PTPRB: variants seen among roughly 807,000 people sequenced by gnomAD.
PTPRB encodes the protein receptor-type tyrosine-protein phosphatase beta.
In PTPRB, 97 loss-of-function variants were observed where a neutral mutation model predicts 238.1. The observed-to-expected ratio is 0.41, with a 90% CI of 0.35 to 0.48. The LOEUF (loss-of-function observed/expected upper bound fraction) is 0.48. PTPRB is among the 20% of genes least tolerant of loss of function. The probability of loss-of-function intolerance (pLI) is 0.30; values close to 1 mark genes in which losing one functional copy is unlikely to be tolerated. For synonymous variants in PTPRB, 970 were observed against 995.4 expected, an observed-to-expected ratio of 0.97 and a Z score of 0.48; for missense variants, 2,292 against 2,681.9, an observed-to-expected ratio of 0.85 and a Z score of 3.21.
chr12:70,608,593 A>T (rs997961206), intron 4 of PTPRB: 11 of 156,184 alleles, frequency 7.0e-5, no homozygotes, highest in African/African-American at 2.7e-4. Flanking sequence ...GACTTTTCTA[A>T]TTTTCCCTGA....
chr12:70,524,273 A>ATT (rs35772909), intron 33 of PTPRB, among the ~76,000 whole-genome samples, 198 bp downstream of exon 33: 1 of 142,112 alleles, frequency 7.0e-6, no homozygotes, highest in African/African-American at 2.6e-5. Context: ...ATGTCTGGCT[A>ATT]TTTTTTTTTT....
At chr12:70,635,606 A>G in intron 2 of PTPRB, 65 bp downstream of exon 2, 1 of 1,520,516 alleles carries the variant, frequency 6.6e-7, no homozygotes. Flanking sequence ...ACAAACAAAC[A>G]AACAAAACCC....
intron 3 of PTPRB, among the ~76,000 whole-genome samples, chr12:70,610,205 CCGATG>C (rs1884352718): frequency 1.3e-5 from 2 of 152,192 alleles, no homozygotes; most frequent in Non-Finnish European, 2.9e-5. Context: ...GCCAAGGGGC[CCGATG>C]TGGGCCAAGC....
At position 70,563,090 on chromosome 12, in the gene PTPRB, C is replaced by G. The variant is rs373337415; in HGVS notation, c.3922G>C (p.Asp1308His). The change falls in exon 16 of 34, where the codon GAC becomes CAC. Residue 1308 changes from aspartate to histidine, a missense_variant. This residue lies in a region of PTPRB where 683 missense variants were observed against 862.0 expected (regional missense o/e 0.79). Transcript: ENST00000334414. ...GTGGAGTTCTCTGTGATCCTCAGGT[C>G]GGTGACAGCTGCTGGGACTGGAAAA... ...EGRTVPAAVTDLRITENSTRH... is the reference protein window; with the variant it reads ...EGRTVPAAVTHLRITENSTRH... The G allele has an allele frequency of 6.2e-7, 1 of 1,612,680 alleles. No individual in the cohort carries two copies. Among genetic ancestry groups the G allele is most frequent in the Non-Finnish European group, 8.5e-7 (1 of 1,179,300 alleles).
At chr12:70,628,506 T>C (rs1168109464) in intron 2 of PTPRB, among the ~76,000 whole-genome samples, 1 of 152,116 alleles carries the variant, frequency 6.6e-6, no homozygotes, top group Non-Finnish European at 1.5e-5. Flanking sequence ...TTGAAACCAG[T>C]TTTGAGTTTA....
At chr12:70,609,968 G>T in intron 3 of PTPRB, 1 of 495,976 alleles carries the variant, frequency 2.0e-6, no homozygotes, top group Non-Finnish European at 3.1e-6. Flanking sequence ...GGGCCACTGC[G>T]GCCACCGCTG....
At chr12:70,545,107 T>G (rs1229256303) in intron 21 of PTPRB, among the ~76,000 whole-genome samples, 1 of 152,248 alleles carries the variant, frequency 6.6e-6, no homozygotes, top group African/African-American at 2.4e-5. Context: ...GTGTTGGATA[T>G]ATCAAAGGAA....
chr12:70,535,717 C>G (rs1179007971), intron 29 of PTPRB, among the ~76,000 whole-genome samples: 1 of 152,146 alleles, frequency 6.6e-6, no homozygotes, highest in Non-Finnish European at 1.5e-5. Flanking sequence ...CTGGCAGGGT[C>G]TCTCCTCCAG....
intron 3 of PTPRB, among the ~76,000 whole-genome samples, chr12:70,618,862 G>A (rs965976375): frequency 6.6e-6 from 1 of 152,164 alleles, no homozygotes; most frequent in Non-Finnish European, 1.5e-5. Context: ...TTCATTTACT[G>A]CTCAGGGTTG....
In PTPRB at chr12:70,569,909, A is replaced by G. The variant is rs185037734; in HGVS notation, c.3400T>C (p.Ser1134Pro). The change falls in exon 14 of 34, where the codon TCT (serine) becomes CCT (proline). Residue 1134 changes from serine (S) to proline (P), a missense_variant. Physicochemically the swap from Ser to Pro is moderately conservative, Grantham distance 74. Around this residue, in one of 4 missense-constraint regions of PTPRB, gnomAD observed 683 missense variants for 862.0 expected, o/e 0.79. Transcript: ENST00000334414. ...VPSAVKNIHI[S>P]PNGATDSLTV... Reference sequence around the variant, plus strand: ...AGGCTATCTGTTGCTCCATTGGGAGAAATGTGAATATTTTTGACAGCACTA... The same window carrying G: ...AGGCTATCTGTTGCTCCATTGGGAGGAATGTGAATATTTTTGACAGCACTA... The G allele has an allele frequency of 1.2e-5, 20 of 1,611,538 alleles. No homozygotes were observed. Among genetic ancestry groups the G allele is most frequent in the Admixed American group, 1.7e-5 (1 of 60,002 alleles).
At chr12:70,555,757 G>T in intron 19 of PTPRB, 113 bp downstream of exon 19, 1 of 1,338,148 alleles carries the variant, frequency 7.5e-7, no homozygotes, top group Non-Finnish European at 1.0e-6. Flanking sequence ...ACAGGCTTAT[G>T]CAAAAGTGAA....
chr12:70,635,521 C>T (rs1885642076), intron 2 of PTPRB, 150 bp downstream of exon 2: 1 of 1,020,936 alleles, frequency 9.8e-7, no homozygotes, highest in African/African-American at 1.6e-5. Context: ...TCACCATCCA[C>T]CTCCATTAGC....
chr12:70,612,295 G>T (rs1033545545), intron 3 of PTPRB, among the ~76,000 whole-genome samples: 2 of 152,122 alleles, frequency 1.3e-5, no homozygotes, highest in Non-Finnish European at 2.9e-5. Context: ...CCTTTTAAAA[G>T]TACAAAACTT....
chr12:70,582,463 G>T lies in PTPRB; in HGVS notation c.2312-1161C>A, dbSNP rs562594568. Among the ~76,000 whole-genome samples the T allele has an allele frequency of 2.0e-5, 3 of 152,200 alleles. No individual in the cohort carries two copies. In the South Asian group the frequency reaches 6.2e-4, roughly 32 times the overall value. The stretch of plus-strand genomic sequence containing the variant: ...CAAGACAGGATAATACTGGCAAAGG[G>T]CAGACAGAAACATAGATTGATAGAA... On this transcript the variant is annotated intron_variant, in intron 9 of 33. Transcript: ENST00000334414.
chr12:70,581,227 G>T lies in PTPRB; in HGVS notation c.2387C>A (p.Ala796Glu), dbSNP rs768688640. The T allele has an allele frequency of 1.2e-6, 2 of 1,613,898 alleles. No homozygotes were observed. The highest frequency in any genetic ancestry group is 1.7e-6 in the Non-Finnish European group (2 of 1,179,858). Residue 796 changes from alanine (A) to glutamate (E), a missense_variant, in exon 10 of 34, where the codon GCA (alanine) becomes GAA (glutamate). Ala to Glu is a moderately radical substitution (Grantham distance 107, BLOSUM62 -1). Coordinates refer to ENST00000334414, the MANE Select transcript of PTPRB (RefSeq NM_001109754.4). Reference protein sequence around the residue: ...TSSLFTNWTQAQGDVEFYQVL... With the variant: ...TSSLFTNWTQEQGDVEFYQVL... ...TTGGTAAAATTCTACGTCTCCTTGTGCCTGGGTCCAGTTAGTAAACAGACT... is the reference window on the plus strand; with the variant it reads ...TTGGTAAAATTCTACGTCTCCTTGTTCCTGGGTCCAGTTAGTAAACAGACT...
chr12:70,630,963 TGG>T (rs1268462823), intron 2 of PTPRB, among the ~76,000 whole-genome samples: 1 of 152,204 alleles, frequency 6.6e-6, no homozygotes, highest in African/African-American at 2.4e-5. Context: ...TCCATGCTCA[TGG>T]ATAGGAAGAA....
chr12:70,538,959 T>G lies in PTPRB; in HGVS notation c.5834A>C (p.Asn1945Thr). 5.0e-6 allele frequency: 8 copies of G among 1,613,760 alleles called. No homozygotes were observed. Among genetic ancestry groups the G allele is most frequent in the Non-Finnish European group, 6.8e-6 (8 of 1,179,790 alleles). ...ATTGTTGTATCGATTTTTCCCTCTA[T>G]TCTCCGGCAAGAGTGCAATGTCACA... The part of the protein sequence containing the change: ...QSCDIALLPE[N>T]RGKNRYNNIL... Residue 1945 changes from asparagine to threonine, a missense_variant, in exon 27 of 34, where the codon AAT becomes ACT. Coordinates refer to ENST00000334414, the MANE Select transcript of PTPRB (RefSeq NM_001109754.4).
intron 3 of PTPRB, among the ~76,000 whole-genome samples, chr12:70,613,259 C>T (rs539659296): frequency 6.6e-6 from 1 of 152,108 alleles, no homozygotes; most frequent in African/African-American, 2.4e-5. Context: ...CCCCTCATTA[C>T]CTGGCCTCTG....
rs1566023172 is a variant in PTPRB, at chr12:70,626,303, CT to C, written c.452-3658del. Reference sequence around the variant, plus strand: ...GGATGATGTCTATCCATCCATCTATCTATCTATCTATCTATCTATCTATCTA... The same window carrying C: ...GGATGATGTCTATCCATCCATCTATCATCTATCTATCTATCTATCTATCTA... On this transcript the variant is annotated intron_variant, in intron 2 of 33. Transcript: ENST00000334414. Among the ~76,000 whole-genome samples the C allele has an allele frequency of 6.8e-3, 482 of 71,066 alleles. 30 individuals carry two copies. The highest frequency in any genetic ancestry group is 0.051 in the East Asian group (153 of 3,028). The allele number at this position is 71,066 out of a possible 152,430, so 46.6% of individuals were successfully genotyped here.
Sources: gnomAD v4.1 joint callset for allele counts (sites outside exome capture counted in the v4.1 genomes callset) on GRCh38, gnomAD v4.1.1 for gene constraint, gnomAD v4.1.1 regional missense constraint, MANE v1.5 for transcripts, NCBI Gene and HGNC (gene_info 2026-07-23, HGNC 2026-07-21) for gene names.